COL6A5: variants seen among roughly 807,000 people sequenced by gnomAD.
COL6A5 encodes the protein collagen type VI alpha 5 chain.
COL6A5 carries 48 observed loss-of-function variants against 65.6 expected under a neutral mutation model. The observed-to-expected ratio is 0.73, with a 90% CI of 0.58 to 0.93. COL6A5 has a LOEUF of 0.93. Among genes scored for constraint, COL6A5 ranks in the 40% least tolerant of loss-of-function variants. The pLI is 0.00. For synonymous variants in COL6A5, 291 were observed against 322.8 expected, an observed-to-expected ratio of 0.90 and a Z score of 1.05; for missense variants, 914 against 928.3, an observed-to-expected ratio of 0.98 and a Z score of 0.20.
At chr3:130,480,136 A>G (rs1024359650) in intron 7 of COL6A5, among the ~76,000 whole-genome samples, 1 of 152,086 alleles carries the variant, frequency 6.6e-6, no homozygotes, top group Non-Finnish European at 1.5e-5. Context: ...ATCAATTCTG[A>G]TATTAAATCT....
rs1709963904 is a variant in COL6A5 at position 130,471,942 on chromosome 3, A to G, written c.2328+975A>G. The G allele has an allele frequency of 1.2e-5, 18 of 1,531,812 alleles. No individual in the cohort carries two copies. The highest frequency in any genetic ancestry group is 1.4e-5 in the Non-Finnish European group (16 of 1,144,604). The allele number at this position is 1,531,812 out of a possible 1,614,324, so 94.9% of individuals were successfully genotyped here. ...GAAAAAGAAGGTAATCGTGAGTACCATAGAGCTGAAGACCCTCAAGTACCT... is the reference window on the plus strand; with the variant it reads ...GAAAAAGAAGGTAATCGTGAGTACCGTAGAGCTGAAGACCCTCAAGTACCT... On this transcript the variant is annotated intron_variant, in intron 7 of 7. Transcript: ENST00000512836.
At chr3:130,482,269 G>A (rs1577552829) in intron 7 of COL6A5, among the ~76,000 whole-genome samples, 1 of 152,150 alleles carries the variant, frequency 6.6e-6, no homozygotes, top group Admixed American at 6.6e-5. Flanking sequence ...CATATGGCTA[G>A]CCAGTTTTCC....
chr3:130,445,418 T>C (rs1166204271), intron 4 of COL6A5, among the ~76,000 whole-genome samples: 2 of 152,184 alleles, frequency 1.3e-5, no homozygotes, highest in Non-Finnish European at 1.5e-5. Flanking sequence ...TGATTATTCG[T>C]CCAAATTTTG....
At chr3:130,376,050 T>G (rs546486244) in intron 2 of COL6A5, among the ~76,000 whole-genome samples, 187 bp from the exon 3 acceptor site, 9 of 152,188 alleles carry the variant, frequency 5.9e-5, no homozygotes, top group Non-Finnish European at 1.3e-4. Context: ...CTAACTTTAC[T>G]AAAGCCCTTT....
intron 7 of COL6A5, among the ~76,000 whole-genome samples, chr3:130,393,999 C>G (rs888790856): frequency 7.3e-6 from 1 of 136,988 alleles, no homozygotes; most frequent in Non-Finnish European, 1.5e-5. Context: ...GTCTGCCACA[C>G]TACCCTTACA....
intron 1 of COL6A5, among the ~76,000 whole-genome samples, chr3:130,372,589 T>C (rs1042571088): frequency 6.6e-6 from 1 of 152,160 alleles, no homozygotes; most frequent in Non-Finnish European, 1.5e-5. Context: ...TATTGTATGA[T>C]TCTGTTTATA....
chr3:130,380,391 T>C (rs1361873841), intron 4 of COL6A5, among the ~76,000 whole-genome samples: 1 of 152,128 alleles, frequency 6.6e-6, no homozygotes, highest in Non-Finnish European at 1.5e-5. Flanking sequence ...TTAATACTTT[T>C]TTCTGTTGTC....
intron 1 of COL6A5, among the ~76,000 whole-genome samples, chr3:130,346,541 G>A (rs1172053237): frequency 2.0e-5 from 3 of 152,162 alleles, no homozygotes; most frequent in African/African-American, 7.2e-5. Flanking sequence ...TGTCCCAAAC[G>A]AAACTGTGAT....
chr3:130,391,843 G>A, intron 7 of COL6A5, 89 bp downstream of exon 7: 1 of 954,090 alleles, frequency 1.0e-6, no homozygotes, highest in Admixed American at 2.7e-5. Context: ...CCGATTACCT[G>A]GATGTTATGG....
chr3:130,375,452 T>C (rs1317817617), intron 2 of COL6A5, among the ~76,000 whole-genome samples: 1 of 152,112 alleles, frequency 6.6e-6, no homozygotes, highest in African/African-American at 2.4e-5. Context: ...GCTTGTTCCC[T>C]GTCCTATCCT....
exon 20 of COL6A5, chr3:130,410,503 T>C: frequency 6.4e-7 from 1 of 1,550,978 alleles, no homozygotes; most frequent in Non-Finnish European, 8.7e-7. Flanking sequence ...TGCAAGGCAG[T>C]CCTAGTTCCA....
upstream of COL6A5, chr3:130,426,504 G>A (rs1355918882): frequency 5.9e-6 from 7 of 1,179,914 alleles, no homozygotes; most frequent in African/African-American, 3.0e-5. Flanking sequence ...TGAGTTCACT[G>A]GTGGGAAGCC....
At chr3:130,394,064 G>A (rs988321979) in intron 7 of COL6A5, among the ~76,000 whole-genome samples, 2 of 152,110 alleles carry the variant, frequency 1.3e-5, no homozygotes, top group African/African-American at 4.8e-5. Context: ...AGTAATCACC[G>A]TAGTGCTGCT....
chr3:130,403,618 G>A lies in COL6A5; in HGVS notation c.4237G>A (p.Gly1413Ser), dbSNP rs931035129. ...CTCTCTTTCTTCCCAGGGTTCTCAAGGTCTGAAAGGCAGCAGAGGACACAG... is the reference window on the plus strand; with the variant it reads ...CTCTCTTTCTTCCCAGGGTTCTCAAAGTCTGAAAGGCAGCAGAGGACACAG... Residue 1413 changes from glycine to serine, a missense_variant and NMD_transcript_variant, in exon 13 of 42, where the codon GGT becomes AGT. Physicochemically the swap from Gly to Ser is moderately conservative, Grantham distance 56 (BLOSUM62 0). Transcript: ENST00000312481. 4 of 1,550,798 alleles carry A rather than the reference G, an allele frequency of 2.6e-6. No individual in the cohort carries two copies. In the African/African-American group the frequency reaches 4.1e-5, roughly 16 times the overall value.
At chr3:130,464,143 C>A (rs892331848) in intron 5 of COL6A5, among the ~76,000 whole-genome samples, 1 of 151,758 alleles carries the variant, frequency 6.6e-6, no homozygotes, top group African/African-American at 2.4e-5. Context: ...CTTTTTCATT[C>A]TTTTTAGAGA....
chr3:130,467,003 A>T (rs1709833794), intron 5 of COL6A5, among the ~76,000 whole-genome samples: 1 of 152,018 alleles, frequency 6.6e-6, no homozygotes, highest in African/African-American at 2.4e-5. Flanking sequence ...TCACTGGTGA[A>T]TTCAACTAAA....
At chr3:130,450,380 G>A (rs916697638) in intron 4 of COL6A5, among the ~76,000 whole-genome samples, 9 of 152,122 alleles carry the variant, frequency 5.9e-5, no homozygotes, top group Admixed American at 1.3e-4. Flanking sequence ...CGGCTTGGCC[G>A]CTTGTAAGTT....
chr3:130,392,124 A>G (rs1243913550), intron 7 of COL6A5, among the ~76,000 whole-genome samples: 1 of 152,196 alleles, frequency 6.6e-6, no homozygotes, highest in East Asian at 1.9e-4. Context: ...ACTGGACATC[A>G]GTTTCAGGTC....
intron 20 of COL6A5, among the ~76,000 whole-genome samples, chr3:130,411,710 A>G (rs910279236): frequency 2.6e-5 from 4 of 152,208 alleles, no homozygotes; most frequent in African/African-American, 9.6e-5. Flanking sequence ...TTAGTTTAAA[A>G]TAGCTTTATA....
Sources: gnomAD v4.1 joint callset for allele counts (sites outside exome capture counted in the v4.1 genomes callset) on GRCh38, gnomAD v4.1.1 for gene constraint, MANE v1.5 for transcripts, NCBI Gene and HGNC (gene_info 2026-07-23, HGNC 2026-07-21) for gene names.